PDZRN4: variants seen among roughly 807,000 people sequenced by gnomAD.
PDZRN4 encodes PDZ domain-containing RING finger protein 4.
In PDZRN4, 70 loss-of-function variants were observed where a neutral mutation model predicts 99.0. The ratio of observed to expected loss-of-function variants is 0.71; its 90% CI spans 0.58 to 0.86. PDZRN4 has a LOEUF of 0.86. Ranked by LOEUF, PDZRN4 falls within the 40% of genes least tolerant of loss-of-function variation. The pLI is 0.00. For synonymous variants in PDZRN4, 551 were observed against 501.6 expected, an observed-to-expected ratio of 1.10 and a Z score of -1.32; for missense variants, 1,474 against 1,331.2, an observed-to-expected ratio of 1.11 and a Z score of -1.67.
At chr12:41,330,754 T>G (rs1048239680) in intron 3 of PDZRN4, among the ~76,000 whole-genome samples, 1 of 152,092 alleles carries the variant, frequency 6.6e-6, no homozygotes, top group Non-Finnish European at 1.5e-5. Flanking sequence ...AATAAGTTAC[T>G]TTTTTAAGTT....
rs117815772 is a variant in PDZRN4 at position 41,370,811 on chromosome 12, T to C, written c.844-135645T>C. On this transcript the variant is annotated intron_variant, in intron 3 of 9. Coordinates refer to ENST00000402685, the MANE Select transcript of PDZRN4 (RefSeq NM_001164595.2). Reference sequence around the variant, plus strand: ...CTTCCAGTGTATGCATTCCTCACTTTAGCTATTTCTAATGTACTCAAAAAA... The same window carrying C: ...CTTCCAGTGTATGCATTCCTCACTTCAGCTATTTCTAATGTACTCAAAAAA... Among the ~76,000 whole-genome samples the C allele has an allele frequency of 7.5e-3, 1,146 of 152,108 alleles. 4 individuals are homozygous for C. The highest frequency in any genetic ancestry group is 0.012 in the Non-Finnish European group (835 of 67,880).
intron 3 of PDZRN4, among the ~76,000 whole-genome samples, chr12:41,249,617 T>A (rs936519916): frequency 6.6e-6 from 1 of 152,198 alleles, no homozygotes; most frequent in African/African-American, 2.4e-5. Context: ...ATTCCCTTGC[T>A]ATTGCAGTTT....
intron 3 of PDZRN4, among the ~76,000 whole-genome samples, chr12:41,428,543 T>G (rs1592056031): frequency 6.6e-6 from 1 of 152,070 alleles, no homozygotes. Flanking sequence ...AAAGACAGAG[T>G]CATGTTAGCA....
chr12:41,237,265 T>A (rs1043568274), intron 3 of PDZRN4, among the ~76,000 whole-genome samples: 12 of 152,136 alleles, frequency 7.9e-5, no homozygotes, highest in African/African-American at 2.9e-4. Flanking sequence ...AATTATTTCA[T>A]AATATTTTAA....
intron 5 of PDZRN4, among the ~76,000 whole-genome samples, chr12:41,536,832 T>C (rs11180985): frequency 1.3e-5 from 2 of 152,212 alleles, no homozygotes; most frequent in East Asian, 3.9e-4. Context: ...TTTTGTCCTC[T>C]TAGTATTTAC....
chr12:41,478,406 G>A (rs1427327794), intron 3 of PDZRN4, among the ~76,000 whole-genome samples: 1 of 152,118 alleles, frequency 6.6e-6, no homozygotes, highest in Non-Finnish European at 1.5e-5. Context: ...ATGAGCCACT[G>A]CACCCAGCCT....
intron 5 of PDZRN4, among the ~76,000 whole-genome samples, chr12:41,534,070 A>G (rs1356833987): frequency 6.6e-6 from 1 of 152,224 alleles, no homozygotes; most frequent in African/African-American, 2.4e-5. Context: ...AGTCAGGAAC[A>G]CTTAAATTGT....
intron 3 of PDZRN4, among the ~76,000 whole-genome samples, chr12:41,328,781 T>A (rs1951725629): frequency 6.6e-6 from 1 of 152,240 alleles, no homozygotes; most frequent in South Asian, 2.1e-4. Flanking sequence ...CAAACAAGTC[T>A]TACCAGACTC....
chr12:41,230,905 A>G (rs1340815912), intron 3 of PDZRN4, among the ~76,000 whole-genome samples: 3 of 152,122 alleles, frequency 2.0e-5, no homozygotes, highest in Non-Finnish European at 4.4e-5. Context: ...GAAAATCTGT[A>G]TTTCAGTCAC....
chr12:41,380,184 T>G (rs1400399806), intron 3 of PDZRN4, among the ~76,000 whole-genome samples: 1 of 152,096 alleles, frequency 6.6e-6, no homozygotes. Context: ...TGATTTTCAT[T>G]GCATGGAATA....
chr12:41,198,121 C>T (rs1208280698), intron 3 of PDZRN4, among the ~76,000 whole-genome samples: 15 of 151,842 alleles, frequency 9.9e-5, no homozygotes, highest in Admixed American at 5.3e-4. Context: ...TTTCACCATG[C>T]TGCCCAGGCT....
intron 5 of PDZRN4, among the ~76,000 whole-genome samples, chr12:41,530,534 G>A (rs1198199037): frequency 1.3e-5 from 2 of 152,160 alleles, no homozygotes; most frequent in African/African-American, 4.8e-5. Context: ...CTTGGTGGGC[G>A]TTTGGGTGTT....
intron 3 of PDZRN4, among the ~76,000 whole-genome samples, chr12:41,230,475 T>C (rs1023195079): frequency 6.6e-6 from 1 of 152,108 alleles, no homozygotes; most frequent in African/African-American, 2.4e-5. Flanking sequence ...AAGGTCATAT[T>C]TGTGATTTCT....
At chr12:41,383,490 G>C (rs1424397789) in intron 3 of PDZRN4, among the ~76,000 whole-genome samples, 2 of 152,180 alleles carry the variant, frequency 1.3e-5, no homozygotes, top group Admixed American at 1.3e-4. Flanking sequence ...GTCATACTGA[G>C]TTTTCATGAT....
intron 3 of PDZRN4, among the ~76,000 whole-genome samples, chr12:41,294,347 A>C (rs1201673075): frequency 2.0e-5 from 3 of 152,198 alleles, no homozygotes; most frequent in Admixed American, 2.0e-4. Flanking sequence ...TAAGTACTGT[A>C]GAACAAAATT....
chr12:41,280,817 G>C (rs992997295), intron 3 of PDZRN4, among the ~76,000 whole-genome samples: 10 of 152,132 alleles, frequency 6.6e-5, no homozygotes, highest in Admixed American at 5.2e-4. Context: ...ATACCTGCAG[G>C]CTCTAAAGAC....
chr12:41,230,280 C>G (rs961020208), intron 3 of PDZRN4, among the ~76,000 whole-genome samples: 2 of 151,950 alleles, frequency 1.3e-5, no homozygotes, highest in Non-Finnish European at 2.9e-5. Context: ...TTAGAGGACA[C>G]TTATACATCC....
chr12:41,260,542 A>T (rs1221375520), intron 3 of PDZRN4, among the ~76,000 whole-genome samples: 1 of 152,170 alleles, frequency 6.6e-6, no homozygotes, highest in Non-Finnish European at 1.5e-5. Flanking sequence ...ACATAACAGC[A>T]TTATGAAACT....
At chr12:41,369,455 C>T (rs1952024955) in intron 3 of PDZRN4, among the ~76,000 whole-genome samples, 1 of 151,870 alleles carries the variant, frequency 6.6e-6, no homozygotes, top group African/African-American at 2.4e-5. Flanking sequence ...TGCTAATAAC[C>T]CTTTAAAACT....
Sources: allele counts gnomAD v4.1 joint callset (sites outside exome capture counted in the v4.1 genomes callset), GRCh38; gene constraint gnomAD v4.1.1; transcripts MANE v1.5; gene names NCBI Gene and HGNC (gene_info 2026-07-23, HGNC 2026-07-21).